Variants in CAV2 observed in about 807,000 individuals in gnomAD.
The protein encoded by CAV2 is caveolin-2.
A neutral mutation model predicts 15.5 loss-of-function variants in CAV2; 7 were observed. The observed-to-expected ratio is 0.45, with a 90% CI of 0.26 to 0.85. The LOEUF (loss-of-function observed/expected upper bound fraction) is 0.85, where lower values mean the gene tolerates loss of function less well. Ranked by LOEUF, CAV2 falls within the 40% of genes least tolerant of loss-of-function variation. The probability of loss-of-function intolerance (pLI) is 0.18; values close to 1 mark genes in which losing one functional copy is unlikely to be tolerated. For synonymous variants in CAV2, 76 were observed against 83.1 expected (o/e 0.91, Z 0.46); for missense variants, 229 against 208.8 (o/e 1.10, Z -0.60).
chr7:116,505,929 T>C, intron 2 of CAV2, 42 bp from the exon 3 acceptor site: 1 of 1,416,492 alleles, frequency 7.1e-7, no homozygotes, highest in Non-Finnish European at 9.9e-7. Context: ...CCTTATTTGG[T>C]AACAGCAACA....
At position 116,506,455 on chromosome 7, in the gene CAV2, A is replaced by G; in HGVS notation, c.*334A>G. ...TAAGGGACATTTCTATAAAAATACTACAATAGTTTTATGCACAACTTCCCA... is the reference window on the plus strand; with the variant it reads ...TAAGGGACATTTCTATAAAAATACTGCAATAGTTTTATGCACAACTTCCCA... On this transcript the variant is annotated 3_prime_UTR_variant, in exon 3 of 3. Coordinates refer to ENST00000222693, the MANE Select transcript of CAV2 (RefSeq NM_001233.5). 1 of 196,214 alleles carries G rather than the reference A, an allele frequency of 5.1e-6. No homozygotes were observed. Among genetic ancestry groups the G allele is most frequent in the Non-Finnish European group, 1.0e-5 (1 of 97,706 alleles). The allele number at this position is 196,214 out of a possible 1,614,324, so 12.2% of individuals were successfully genotyped here.
chr7:116,500,074 C>T lies in CAV2; in HGVS notation c.150+143C>T, dbSNP rs1267011067. ...ACCCGCACCCTTCCCCGGTCCCACC[C>T]GTCACCAGGCCGCCCGCGTAGCCAG... On this transcript the variant is annotated intron_variant, in intron 1 of 2. Transcript: ENST00000222693. 9 of 1,469,298 alleles carry T rather than the reference C, an allele frequency of 6.1e-6. No homozygotes were observed. The Admixed American group carries it at 1.1e-4, about 18-fold the overall frequency. 91.0% of individuals were successfully genotyped at this position (1,469,298 alleles called of 1,614,324 possible).
chr7:116,500,068 C>A, intron 1 of CAV2, 137 bp downstream of exon 1: 1 of 1,471,324 alleles, frequency 6.8e-7, no homozygotes, highest in South Asian at 1.4e-5. Flanking sequence ...CTTCCCCGGT[C>A]CCACCCGTCA....
At chr7:116,500,470 G>T (rs2270188) in intron 2 of CAV2, 23 bp downstream of exon 2, 812,312 of 1,600,476 alleles carry the variant, frequency 0.51, 209,530 homozygotes, top group East Asian at 0.76. Context: ...ACACCGGGTG[G>T]ACCGGCTTTC....
rs1485113940 is a variant in CAV2, at chr7:116,506,076, A to G, written c.444A>G (p.Val148=). 1 of 1,614,038 alleles carries G rather than the reference A, an allele frequency of 6.2e-7. No homozygotes were observed. The highest frequency in any genetic ancestry group is 1.7e-5 in the Admixed American group (1 of 60,022). ...DVIIAPLCTS[V]GRCFSSVSLQ... Reference sequence around the variant, plus strand: ...TCATTGCTCCATTGTGTACGAGCGTAGGACGATGCTTCTCTTCTGTCAGCC... The same window carrying G: ...TCATTGCTCCATTGTGTACGAGCGTGGGACGATGCTTCTCTTCTGTCAGCC... Residue 148 remains valine, a synonymous_variant, in exon 3 of 3, where the codon GTA becomes GTG. Coordinates refer to ENST00000222693, the MANE Select transcript of CAV2 (RefSeq NM_001233.5).
At chr7:116,504,579 C>T (rs1489518936) in intron 2 of CAV2, among the ~76,000 whole-genome samples, 1 of 152,034 alleles carries the variant, frequency 6.6e-6, no homozygotes, top group Non-Finnish European at 1.5e-5. Context: ...GTACAGCAGA[C>T]CCTCATTTAA....
Position 116,499,852 on chromosome 7 carries a change from G to A in CAV2, c.71G>A (p.Gly24Asp). ...MDDDSYSHHS[G>D]LEYADPEKFA... is the part of the protein sequence containing the mutation. ...GACGACTCCTACAGCCACCACAGCG[G>A]CCTCGAGTACGCCGACCCCGAGAAG... The change falls in exon 1 of 3, where the codon GGC becomes GAC. Residue 24 changes from glycine to aspartate, a missense_variant. Transcript: ENST00000222693. The A allele has an allele frequency of 1.2e-6, 2 of 1,607,962 alleles. No individual in the cohort carries two copies. The highest frequency in any genetic ancestry group is 1.7e-5 in the Admixed American group (1 of 59,588).
At position 116,508,320 on chromosome 7, in the gene CAV2, C is replaced by T. The variant is rs550867245; in HGVS notation, c.*2199C>T. ...ATAGTTCTGTAATAAAACTGTTTGA[C>T]TTCTCAAGTAACATGACTTCCTTAT... On this transcript the variant is annotated 3_prime_UTR_variant, in exon 3 of 3. Transcript: ENST00000222693. The T allele has an allele frequency of 4.0e-5, 6 of 151,566 alleles. No homozygotes were observed. The South Asian group carries it at 1.3e-3, about 32-fold the overall frequency. 9.4% of individuals were successfully genotyped at this position (151,566 alleles called of 1,614,324 possible). A position where few individuals can be genotyped will look rare whatever the true frequency, so the allele number is the denominator to read the frequency against.
chr7:116,503,859 G>A lies in CAV2; in HGVS notation c.339-2112G>A, dbSNP rs373932578. On this transcript the variant is annotated intron_variant, in intron 2 of 2. Coordinates refer to ENST00000222693, the MANE Select transcript of CAV2 (RefSeq NM_001233.5). The stretch of plus-strand genomic sequence containing the variant: ...GAAGGAAGGGAAGGGAAGAGGAGGG[G>A]AGGGGAGAAGAAAGAGAGAAAGAAA... 1.4e-3 allele frequency among the ~76,000 whole-genome samples: 192 copies of A among 135,670 alleles called. 2 individuals carry two copies. In the South Asian group the frequency reaches 0.02, roughly 14 times the overall value. 89.0% of individuals were successfully genotyped at this position (135,670 alleles called of 152,430 possible).
rs1793254389 is a variant in CAV2 at position 116,507,084 on chromosome 7, A to G, written c.*963A>G. On this transcript the variant is annotated 3_prime_UTR_variant, in exon 3 of 3. Coordinates refer to ENST00000222693, the MANE Select transcript of CAV2 (RefSeq NM_001233.5). ...AGTAGTTAGAAATTAAATCTGTGTC[A>G]GCATTCCTATTAATGTCTCACTTTA... 1 of 152,620 alleles carries G rather than the reference A, an allele frequency of 6.6e-6. No homozygotes were observed. The highest frequency in any genetic ancestry group is 6.5e-5 in the Admixed American group (1 of 15,290). The allele number at this position is 152,620 out of a possible 1,614,324, so 9.5% of individuals were successfully genotyped here.
chr7:116,506,344 G>C lies in CAV2; in HGVS notation c.*223G>C. The stretch of plus-strand genomic sequence containing the variant: ...CTAACTTTGTAACCAGAATTATACA[G>C]TAAGTTGACACCACTTAGATTTAAA... On this transcript the variant is annotated 3_prime_UTR_variant, in exon 3 of 3. Coordinates refer to ENST00000222693, the MANE Select transcript of CAV2 (RefSeq NM_001233.5). 2.1e-6 allele frequency: 1 copy of C among 476,498 alleles called. No individual in the cohort carries two copies. Among genetic ancestry groups the C allele is most frequent in the Non-Finnish European group, 3.7e-6 (1 of 271,388 alleles). The allele number at this position is 476,498 out of a possible 1,614,324, so 29.5% of individuals were successfully genotyped here. A position where few individuals can be genotyped will look rare whatever the true frequency, so the allele number is the denominator to read the frequency against.
chr7:116,499,914 C>T lies in CAV2; in HGVS notation c.133C>T (p.Leu45Phe). ...GGACCAGGACCGGGATCCCCACCGGCTCAACTCGCATCTCAAGGTGAAGCC... is the reference window on the plus strand; with the variant it reads ...GGACCAGGACCGGGATCCCCACCGGTTCAACTCGCATCTCAAGGTGAAGCC... ...DSDQDRDPHR[L>F]NSHLKLGFED... The change falls in exon 1 of 3, where the codon CTC becomes TTC. Residue 45 changes from leucine to phenylalanine, a missense_variant. Coordinates refer to ENST00000222693, the MANE Select transcript of CAV2 (RefSeq NM_001233.5). 6.2e-7 allele frequency: 1 copy of T among 1,611,866 alleles called. No individual in the cohort carries two copies. The highest frequency in any genetic ancestry group is 1.1e-5 in the South Asian group (1 of 91,038).
chr7:116,505,755 G>T (rs188023893), intron 2 of CAV2, among the ~76,000 whole-genome samples: 7 of 152,074 alleles, frequency 4.6e-5, no homozygotes, highest in African/African-American at 7.2e-5. Flanking sequence ...ATCCCCACTC[G>T]GCCCCACCTC....
intron 2 of CAV2, among the ~76,000 whole-genome samples, chr7:116,503,052 G>A (rs1391657290): frequency 6.6e-6 from 1 of 152,000 alleles, no homozygotes; most frequent in Non-Finnish European, 1.5e-5. Context: ...TATGAATGCA[G>A]TCTGCATGAC....
intron 2 of CAV2, among the ~76,000 whole-genome samples, chr7:116,504,653 A>G (rs1236963731): frequency 6.6e-6 from 1 of 152,218 alleles, no homozygotes; most frequent in African/African-American, 2.4e-5. Flanking sequence ...AGGTAATAAT[A>G]AAGCTTCCAT....
chr7:116,500,568 C>T, intron 2 of CAV2, 121 bp downstream of exon 2: 1 of 881,076 alleles, frequency 1.1e-6, no homozygotes, highest in African/African-American at 1.7e-5. Context: ...CATCAGTTCC[C>T]AAGCAGTAGG....
chr7:116,505,859 C>G, intron 2 of CAV2, 112 bp from the exon 3 acceptor site: 1 of 684,654 alleles, frequency 1.5e-6, no homozygotes. Flanking sequence ...GTTTCAAACT[C>G]TCAACCAAAT....
At chr7:116,504,925 T>C (rs1356620184) in intron 2 of CAV2, among the ~76,000 whole-genome samples, 2 of 152,072 alleles carry the variant, frequency 1.3e-5, no homozygotes, top group Non-Finnish European at 2.9e-5. Flanking sequence ...GTGATTACTG[T>C]GAAAAAATTA....
chr7:116,503,169 A>AAT (rs978884681), intron 2 of CAV2, among the ~76,000 whole-genome samples: 86 of 148,356 alleles, frequency 5.8e-4, no homozygotes, highest in Middle Eastern at 3.6e-3. Flanking sequence ...TAATATATAT[A>AAT]ATATATATAT....
Sources: allele counts gnomAD v4.1 joint callset (sites outside exome capture counted in the v4.1 genomes callset), GRCh38; gene constraint gnomAD v4.1.1; transcripts MANE v1.5; gene names NCBI Gene and HGNC (gene_info 2026-07-23, HGNC 2026-07-21).